CNTLN: variants seen among roughly 807,000 people sequenced by gnomAD.
The protein encoded by CNTLN is centlein, centrosomal protein.
Under a neutral mutation model 180.0 loss-of-function variants are expected in CNTLN, and 212 were observed. The ratio of observed to expected loss-of-function variants is 1.18; its 90% CI spans 1.05 to 1.32. The LOEUF (loss-of-function observed/expected upper bound fraction) is 1.32. Among genes scored for constraint, CNTLN ranks in the 40% most tolerant of loss-of-function variants. The pLI, the probability that CNTLN is intolerant of heterozygous loss-of-function variation, is 0.00. For synonymous variants in CNTLN, 722 were observed against 563.1 expected, an observed-to-expected ratio of 1.28 and a Z score of -3.99; for missense variants, 2,095 against 1,610.9, an observed-to-expected ratio of 1.30 and a Z score of -5.14.
At chr9:17,295,969 T>TGAGA (rs113148833) in intron 6 of CNTLN, among the ~76,000 whole-genome samples, 108 of 119,818 alleles carry the variant, frequency 9.0e-4, no homozygotes, top group African/African-American at 2.5e-3. Flanking sequence ...TACTCTTCAG[T>TGAGA]GAGAGAGAGA....
rs368355618 is a variant in CNTLN at position 17,254,123 on chromosome 9, T to C, written c.849+17535T>C. 7.7e-4 allele frequency among the ~76,000 whole-genome samples: 117 copies of C among 151,720 alleles called. 3 individuals carry two copies. The South Asian group carries it at 0.024, about 31-fold the overall frequency. On this transcript the variant is annotated intron_variant, in intron 5 of 25. Coordinates refer to ENST00000380647, the MANE Select transcript of CNTLN (RefSeq NM_017738.4). ...ATCATCCCTGCATCCCTGGGACAAA[T>C]CCCAGTTGAACATATTTGTATTATG...
At chr9:17,202,303 A>G (rs1822586185) in intron 2 of CNTLN, among the ~76,000 whole-genome samples, 1 of 152,154 alleles carries the variant, frequency 6.6e-6, no homozygotes. Context: ...AGAAGAATGT[A>G]TATTCTGTTG....
intron 14 of CNTLN, among the ~76,000 whole-genome samples, chr9:17,389,487 G>T (rs1564060899): frequency 6.6e-6 from 1 of 152,196 alleles, no homozygotes; most frequent in Non-Finnish European, 1.5e-5. Flanking sequence ...TGCCATAAAT[G>T]AATGCTACAA....
At chr9:17,469,225 G>C (rs1831921325) in intron 23 of CNTLN, among the ~76,000 whole-genome samples, 1 of 151,690 alleles carries the variant, frequency 6.6e-6, no homozygotes. Flanking sequence ...TTGTTTTTAA[G>C]AATTGAATTC....
Position 17,415,851 on chromosome 9 carries a change from A to G in CNTLN, c.2860A>G (p.Lys954Glu), listed in dbSNP as rs1465405036. Reference protein sequence around the residue: ...TFQKKNCKMQKSSHTAVPTRV... With the variant: ...TFQKKNCKMQESSHTAVPTRV... The stretch of plus-strand genomic sequence containing the variant: ...TCAAAAGAAGAATTGCAAGATGCAA[A>G]AGAGTTCACATACAGCAGTTCCTAC... Residue 954 changes from lysine (K) to glutamate (E), a missense_variant, in exon 17 of 26, where the codon AAG (lysine) becomes GAG (glutamate). By Grantham distance (56) the Lys-to-Glu change is moderately conservative (BLOSUM62 1). Transcript: ENST00000380647. 6.2e-7 allele frequency: 1 copy of G among 1,612,970 alleles called. No individual in the cohort carries two copies. Among genetic ancestry groups the G allele is most frequent in the Non-Finnish European group, 8.5e-7 (1 of 1,179,424 alleles).
At chr9:17,251,272 G>C (rs1826122688) in intron 5 of CNTLN, among the ~76,000 whole-genome samples, 1 of 151,774 alleles carries the variant, frequency 6.6e-6, no homozygotes. Context: ...TGAGGTTTTT[G>C]GATTTGTAGA....
the CNTLN span, among the ~76,000 whole-genome samples, chr9:17,519,965 C>A: frequency 2.0e-5 from 3 of 152,134 alleles, no homozygotes; most frequent in Non-Finnish European, 4.4e-5. Flanking sequence ...GTGCAGCCAG[C>A]CTTCTCAGAG....
intron 12 of CNTLN, among the ~76,000 whole-genome samples, chr9:17,362,706 A>G (rs1326668324): frequency 1.3e-5 from 2 of 151,914 alleles, no homozygotes; most frequent in South Asian, 2.1e-4. Flanking sequence ...CTTTATTTTT[A>G]ATTTTTTTCT....
At chr9:17,341,014 G>T in intron 11 of CNTLN, 66 bp downstream of exon 11, 1 of 1,381,572 alleles carries the variant, frequency 7.2e-7, no homozygotes, top group East Asian at 2.6e-5. Context: ...CATTATATAG[G>T]TGTCTTAATG....
chr9:17,218,491 A>G lies in CNTLN; in HGVS notation c.450-7712A>G, dbSNP rs115209544. On this transcript the variant is annotated intron_variant, in intron 2 of 25. Transcript: ENST00000380647. ...CGTATTCATAAGAAGAAATACTTATAAAATAGTTCATGAATAAATGGATAA... is the reference window on the plus strand; with the variant it reads ...CGTATTCATAAGAAGAAATACTTATGAAATAGTTCATGAATAAATGGATAA... 7.0e-3 allele frequency among the ~76,000 whole-genome samples: 1,063 copies of G among 152,252 alleles called. 11 individuals carry two copies. The highest frequency in any genetic ancestry group is 0.024 in the African/African-American group (1,005 of 41,566).
intron 15 of CNTLN, among the ~76,000 whole-genome samples, chr9:17,398,980 A>G (rs936000459): frequency 6.6e-6 from 1 of 152,216 alleles, no homozygotes; most frequent in Non-Finnish European, 1.5e-5. Flanking sequence ...GTCCCTAATG[A>G]GCCTGGAGGT....
At chr9:17,509,750 C>G in the CNTLN span, among the ~76,000 whole-genome samples, 1 of 152,154 alleles carries the variant, frequency 6.6e-6, no homozygotes, top group African/African-American at 2.4e-5. Flanking sequence ...CACCTCTCAT[C>G]ATTATCCCTA....
At position 17,503,024 on chromosome 9, in the gene CNTLN, A is replaced by G; in HGVS notation, c.*372A>G. 6.5e-6 allele frequency: 1 copy of G among 153,606 alleles called. No homozygotes were observed. Among genetic ancestry groups the G allele is most frequent in the Non-Finnish European group, 1.5e-5 (1 of 68,770 alleles). 9.5% of individuals were successfully genotyped at this position (153,606 alleles called of 1,614,324 possible). A position where few individuals can be genotyped will look rare whatever the true frequency, so the allele number is the denominator to read the frequency against. ...TTAATGTTTTACGTTTCATGAAGAA[A>G]CTAGACTTTTTACATAAAACTGCTA... On this transcript the variant is annotated 3_prime_UTR_variant, in exon 26 of 26. Transcript: ENST00000380647.
At chr9:17,373,661 A>C (rs1824514966) in intron 13 of CNTLN, among the ~76,000 whole-genome samples, 1 of 152,192 alleles carries the variant, frequency 6.6e-6, no homozygotes, top group African/African-American at 2.4e-5. Context: ...AAAGAGACCC[A>C]GAATAGCCAA....
At chr9:17,295,093 G>A (rs1191332174) in intron 6 of CNTLN, among the ~76,000 whole-genome samples, 2 of 151,936 alleles carry the variant, frequency 1.3e-5, no homozygotes, top group South Asian at 2.1e-4. Flanking sequence ...GCCCCTCACT[G>A]CCGGGCTGGC....
intron 2 of CNTLN, among the ~76,000 whole-genome samples, chr9:17,173,638 CAG>C (rs1210138943): frequency 6.6e-6 from 1 of 151,784 alleles, no homozygotes; most frequent in Non-Finnish European, 1.5e-5. Context: ...GTAATTAAGT[CAG>C]AAATTTGCTT....
At chr9:17,464,757 C>G (rs926790887) in intron 21 of CNTLN, 134 bp downstream of exon 21, 6 of 503,686 alleles carry the variant, frequency 1.2e-5, no homozygotes, top group Admixed American at 4.1e-5. Flanking sequence ...CAAAGTAACA[C>G]TCTTTGCTCT....
At chr9:17,386,224 A>T (rs1015211642) in intron 13 of CNTLN, among the ~76,000 whole-genome samples, 1 of 152,076 alleles carries the variant, frequency 6.6e-6, no homozygotes, top group Non-Finnish European at 1.5e-5. Context: ...ACTTTATATT[A>T]ATTATTTAAG....
chr9:17,451,298 A>C (rs1830763079), intron 18 of CNTLN, among the ~76,000 whole-genome samples: 1 of 152,096 alleles, frequency 6.6e-6, no homozygotes, highest in Admixed American at 6.6e-5. Context: ...TTATGTTGTA[A>C]TTTTTTAGAA....
Sources: gnomAD v4.1 joint callset for allele counts (sites outside exome capture counted in the v4.1 genomes callset) on GRCh38, gnomAD v4.1.1 for gene constraint, MANE v1.5 for transcripts, NCBI Gene and HGNC (gene_info 2026-07-23, HGNC 2026-07-21) for gene names.